The following TFPI variants were observed in gnomAD, a reference collection of about 807,000 sequenced individuals.
TFPI encodes anti-convertin.
Under a neutral mutation model 34.6 loss-of-function variants are expected in TFPI, and 15 were observed. That is an observed-to-expected ratio of 0.43 (90% CI 0.29 to 0.67). The LOEUF (loss-of-function observed/expected upper bound fraction) is 0.67, where lower values mean the gene tolerates loss of function less well. Among genes scored for constraint, TFPI ranks in the 30% least tolerant of loss-of-function variants. The pLI, the probability that TFPI is intolerant of heterozygous loss-of-function variation, is 0.15. For synonymous variants in TFPI, 105 were observed against 120.1 expected (o/e 0.87, Z 0.82); for missense variants, 301 against 364.0 (o/e 0.83, Z 1.41).
At chr2:187,494,902 T>C (rs1685366539) in intron 3 of TFPI, among the ~76,000 whole-genome samples, 1 of 152,136 alleles carries the variant, frequency 6.6e-6, no homozygotes, top group South Asian at 2.1e-4. Context: ...TTTGTATTTT[T>C]AGTAGGGACG....
At chr2:187,537,658 C>G (rs1414200658) in intron 1 of TFPI, among the ~76,000 whole-genome samples, 2 of 152,170 alleles carry the variant, frequency 1.3e-5, no homozygotes, top group Non-Finnish European at 2.9e-5. Context: ...TAGGCAATAC[C>G]ATTCAGGACA....
chr2:187,529,100 A>T (rs1207500483), intron 1 of TFPI, among the ~76,000 whole-genome samples: 1 of 152,198 alleles, frequency 6.6e-6, no homozygotes, highest in African/African-American at 2.4e-5. Flanking sequence ...AAACAAACGA[A>T]CACGAATAAA....
chr2:187,545,004 C>T (rs1688781860), intron 1 of TFPI, among the ~76,000 whole-genome samples: 1 of 151,136 alleles, frequency 6.6e-6, no homozygotes, highest in South Asian at 2.1e-4. Context: ...CACAGCTCCT[C>T]GGAGGCTGAG....
intron 1 of TFPI, among the ~76,000 whole-genome samples, chr2:187,508,822 C>G (rs1686413738): frequency 6.6e-6 from 1 of 152,146 alleles, no homozygotes; most frequent in African/African-American, 2.4e-5. Context: ...GCCAGAACTT[C>G]CAATACTATG....
At position 187,488,447 on chromosome 2, in the gene TFPI, A is replaced by G. The variant is rs960840112; in HGVS notation, c.320-72T>C. ...GTAATACTATGAATTTGAATTTAAC[A>G]AACAAGAGTGACATATTTATTACCA... On this transcript the variant is annotated intron_variant, in intron 3 of 7. Transcript: ENST00000233156. 4.1e-6 allele frequency: 4 copies of G among 980,568 alleles called. No homozygotes were observed. In the African/African-American group the frequency reaches 5.1e-5, roughly 12 times the overall value. 60.7% of individuals were successfully genotyped at this position (980,568 alleles called of 1,614,324 possible). A position where few individuals can be genotyped will look rare whatever the true frequency, so the allele number is the denominator to read the frequency against.
At position 187,522,070 on chromosome 2, in the gene TFPI, T is replaced by A. The variant is rs189819509; in HGVS notation, c.-2-18300A>T. 4.7e-4 allele frequency among the ~76,000 whole-genome samples: 72 copies of A among 152,308 alleles called. No individual in the cohort carries two copies. The East Asian group carries it at 8.5e-3, about 18-fold the overall frequency. ...GTGTTTAACTCCTTTGCCCATTTTT[T>A]AAAAATTTCTGCTATTGAGTTGAAG... On this transcript the variant is annotated intron_variant, in intron 1 of 7. Transcript: ENST00000233156.
rs201507175 is a variant in TFPI at position 187,508,424 on chromosome 2, A to T, written c.-2-4654T>A. 7.2e-5 allele frequency among the ~76,000 whole-genome samples: 11 copies of T among 152,272 alleles called. No individual in the cohort carries two copies. In the East Asian group the frequency reaches 1.9e-3, roughly 27 times the overall value. ...GCAGTATGGCCATTTTTCAATATTG[A>T]TTCTTCCTATCCATGAGCATGAAAT... is the stretch of plus-strand genomic sequence containing the variant. On this transcript the variant is annotated intron_variant, in intron 1 of 7. Transcript: ENST00000233156.
chr2:187,501,464 A>C (rs1685846702), intron 2 of TFPI, among the ~76,000 whole-genome samples: 1 of 151,972 alleles, frequency 6.6e-6, no homozygotes, highest in South Asian at 2.1e-4. Context: ...ATGCTGCTAG[A>C]CTCTAATTAA....
chr2:187,495,354 C>G (rs1168731507), intron 3 of TFPI, among the ~76,000 whole-genome samples: 1 of 152,112 alleles, frequency 6.6e-6, no homozygotes. Context: ...GAATGATTTT[C>G]AACTCAACAC....
chr2:187,534,232 C>G (rs566773556), intron 1 of TFPI, among the ~76,000 whole-genome samples: 4 of 152,138 alleles, frequency 2.6e-5, no homozygotes, highest in Admixed American at 2.6e-4. Flanking sequence ...CACAAAGGTA[C>G]TCCTCAAGAA....
At chr2:187,478,193 C>A (rs1010541377) in intron 6 of TFPI, among the ~76,000 whole-genome samples, 2 of 152,082 alleles carry the variant, frequency 1.3e-5, no homozygotes, top group African/African-American at 4.8e-5. Context: ...AACCCTGTCT[C>A]TACTGAAAAT....
At position 187,465,492 on chromosome 2, in the gene TFPI, G is replaced by GAAAAAAAAA. The variant is rs199557966; in HGVS notation, c.*1435_*1443dup. Reference sequence around the variant, plus strand: ...AAAACATAACAAAACAAAACAAAATGAAAAAAAAAAAAAAACAAGAAAAAA... The same window carrying GAAAAAAAAA: ...AAAACATAACAAAACAAAACAAAATGAAAAAAAAAAAAAAAAAAAAAAAACAAGAAAAAA... On this transcript the variant is annotated 3_prime_UTR_variant, in exon 8 of 8. Transcript: ENST00000233156. The GAAAAAAAAA allele has an allele frequency of 1.5e-5, 1 of 67,790 alleles. No individual in the cohort carries two copies. Among genetic ancestry groups the GAAAAAAAAA allele is most frequent in the Non-Finnish European group, 2.8e-5 (1 of 35,778 alleles). The allele number at this position is 67,790 out of a possible 1,614,324, so 4.2% of individuals were successfully genotyped here. A position where few individuals can be genotyped will look rare whatever the true frequency, so the allele number is the denominator to read the frequency against.
rs780858034 is a variant in TFPI, at chr2:187,464,895, C to G, written c.*2041G>C. ...GGACTTTTCATATTCCATATTGAAA[C>G]ATAGTGATTCTGTAGCTGGCATCAG... is the stretch of plus-strand genomic sequence containing the variant. On this transcript the variant is annotated 3_prime_UTR_variant, in exon 8 of 8. Coordinates refer to ENST00000233156, the MANE Select transcript of TFPI (RefSeq NM_006287.6). The G allele has an allele frequency of 6.6e-6, 1 of 152,108 alleles. No individual in the cohort carries two copies. Among genetic ancestry groups the G allele is most frequent in the Non-Finnish European group, 1.5e-5 (1 of 68,036 alleles). 9.4% of individuals were successfully genotyped at this position (152,108 alleles called of 1,614,324 possible). A position where few individuals can be genotyped will look rare whatever the true frequency, so the allele number is the denominator to read the frequency against.
chr2:187,483,261 T>TTTA (rs1693010673), intron 6 of TFPI, among the ~76,000 whole-genome samples: 1 of 151,930 alleles, frequency 6.6e-6, no homozygotes, highest in Non-Finnish European at 1.5e-5. Context: ...TTCTTTTTTT[T>TTTA]TTATTATTAT....
At chr2:187,545,130 A>T (rs1441421745) in intron 1 of TFPI, among the ~76,000 whole-genome samples, 1 of 152,160 alleles carries the variant, frequency 6.6e-6, no homozygotes, top group Non-Finnish European at 1.5e-5. Context: ...AAAAAAGAAA[A>T]AGAAAAATAA....
chr2:187,520,709 T>C (rs913423415), intron 1 of TFPI: 12 of 152,234 alleles, frequency 7.9e-5, no homozygotes, highest in African/African-American at 2.9e-4. Flanking sequence ...CTATATAAAT[T>C]GTTCGGAATA....
chr2:187,483,365 T>A (rs1398154163), intron 6 of TFPI, among the ~76,000 whole-genome samples: 1 of 151,976 alleles, frequency 6.6e-6, no homozygotes, highest in Non-Finnish European at 1.5e-5. Context: ...TTTGACATGT[T>A]CACATGGACT....
At chr2:187,506,089 G>A (rs917190670) in intron 1 of TFPI, among the ~76,000 whole-genome samples, 13 of 152,114 alleles carry the variant, frequency 8.5e-5, no homozygotes, top group Middle Eastern at 3.4e-3. Context: ...GTCTGGTTCT[G>A]GGTGATAACA....
intron 6 of TFPI, chr2:187,478,588 A>G: frequency 6.8e-7 from 1 of 1,480,072 alleles, no homozygotes; most frequent in South Asian, 1.4e-5. Context: ...TTTACTATGC[A>G]TGTAAATATT....
Sources: gnomAD v4.1 joint callset for allele counts (sites outside exome capture counted in the v4.1 genomes callset) on GRCh38, gnomAD v4.1.1 for gene constraint, MANE v1.5 for transcripts, NCBI Gene and HGNC (gene_info 2026-07-23, HGNC 2026-07-21) for gene names.